WDR7: variants seen among roughly 807,000 people sequenced by gnomAD.
WDR7 encodes the protein WD repeat domain 7.
A neutral mutation model predicts 169.4 loss-of-function variants in WDR7; 46 were observed. The ratio of observed to expected loss-of-function variants is 0.27; its 90% CI spans 0.21 to 0.35. The LOEUF (loss-of-function observed/expected upper bound fraction) is 0.35. WDR7 is among the 10% of genes least tolerant of loss of function. The pLI, the probability that WDR7 is intolerant of heterozygous loss-of-function variation, is 1.00. For missense variants in WDR7, 1,534 were observed against 1,859.3 expected, an observed-to-expected ratio of 0.83 and a Z score of 3.22; for synonymous variants, 612 against 666.8, an observed-to-expected ratio of 0.92 and a Z score of 1.27.
chr18:56,989,046 A>G (rs965014849), intron 26 of WDR7, among the ~76,000 whole-genome samples: 2 of 151,776 alleles, frequency 1.3e-5, no homozygotes, highest in African/African-American at 2.4e-5. Flanking sequence ...CACCTTTTAG[A>G]TATAACTCTC....
intron 20 of WDR7, among the ~76,000 whole-genome samples, chr18:56,876,653 GA>G (rs1369244514): frequency 1.3e-5 from 2 of 151,822 alleles, no homozygotes; most frequent in African/African-American, 4.8e-5. Flanking sequence ...TTGCTACTCA[GA>G]AAAAAATTGA....
At chr18:56,861,560 T>C (rs2045804977) in intron 20 of WDR7, among the ~76,000 whole-genome samples, 1 of 152,234 alleles carries the variant, frequency 6.6e-6, no homozygotes, top group African/African-American at 2.4e-5. Context: ...CAGTCGAGTA[T>C]TGAGCTTCTA....
At chr18:56,667,777 T>C (rs2025054792) in intron 1 of WDR7, among the ~76,000 whole-genome samples, 1 of 152,190 alleles carries the variant, frequency 6.6e-6, no homozygotes, top group African/African-American at 2.4e-5. Flanking sequence ...TCAAGTCTTA[T>C]CTATTATATC....
intron 25 of WDR7, among the ~76,000 whole-genome samples, chr18:56,956,498 T>G (rs1392849720): frequency 6.6e-6 from 1 of 152,178 alleles, no homozygotes; most frequent in Non-Finnish European, 1.5e-5. Flanking sequence ...TCTTTTAGGC[T>G]GAGCTCCTCA....
At chr18:56,823,693 C>T (rs1423460936) in intron 20 of WDR7, among the ~76,000 whole-genome samples, 1 of 152,196 alleles carries the variant, frequency 6.6e-6, no homozygotes, top group Non-Finnish European at 1.5e-5. Context: ...CCGTTAATGA[C>T]CTGACATCTC....
At chr18:56,805,488 A>G (rs2145175887) in intron 19 of WDR7, among the ~76,000 whole-genome samples, 1 of 152,202 alleles carries the variant, frequency 6.6e-6, no homozygotes, top group East Asian at 1.9e-4. Flanking sequence ...ATCTTTCGAG[A>G]TTTCAACATT....
Position 56,731,615 on chromosome 18 carries a change from G to A in WDR7, c.1989+18G>A, listed in dbSNP as rs1269429429. 2 of 1,609,826 alleles carry A rather than the reference G, an allele frequency of 1.2e-6. No homozygotes were observed. Among genetic ancestry groups the A allele is most frequent in the African/African-American group, 1.3e-5 (1 of 74,836 alleles). ...CTGACAAGGTAAGTTTTATATGTGG[G>A]CCCATGAAGTGTGTAGACCCCATTT... On this transcript the variant is annotated intron_variant, in intron 14 of 27. Transcript: ENST00000254442.
intron 21 of WDR7, 126 bp downstream of exon 21, chr18:56,880,291 A>G (rs1026334144): frequency 2.2e-6 from 2 of 893,980 alleles, no homozygotes; most frequent in Non-Finnish European, 3.4e-6. Flanking sequence ...GAAGTTAGAA[A>G]GCAGTACAAT....
intron 20 of WDR7, among the ~76,000 whole-genome samples, chr18:56,842,793 AT>A (rs1163775557): frequency 1.3e-5 from 2 of 152,160 alleles, no homozygotes; most frequent in Non-Finnish European, 2.9e-5. Flanking sequence ...TTATTTGAAG[AT>A]TTTTGATAGC....
At chr18:56,755,027 A>C (rs774835078) in intron 14 of WDR7, among the ~76,000 whole-genome samples, 5 of 151,956 alleles carry the variant, frequency 3.3e-5, no homozygotes, top group Admixed American at 3.3e-4. Flanking sequence ...TTGACAACCA[A>C]TTTGAGCAGG....
chr18:56,910,442 G>A (rs1365731890), intron 21 of WDR7, among the ~76,000 whole-genome samples: 3 of 152,132 alleles, frequency 2.0e-5, no homozygotes, highest in African/African-American at 7.2e-5. Flanking sequence ...CTCTATTTCA[G>A]AAATGGCCCA....
chr18:56,982,856 G>A (rs925599194), intron 26 of WDR7, among the ~76,000 whole-genome samples: 1 of 152,206 alleles, frequency 6.6e-6, no homozygotes, highest in African/African-American at 2.4e-5. Context: ...CTCTAAACAT[G>A]TAGAAATGTT....
At position 56,962,658 on chromosome 18, in the gene WDR7, G is replaced by A. The variant is rs79968845; in HGVS notation, c.4164+129G>A. On this transcript the variant is annotated intron_variant, in intron 26 of 27. Transcript: ENST00000254442. ...ATGGATAATGCTAAAGGGATCAATAGTTTAATGAAGGACGCACAGAATATA... is the reference window on the plus strand; with the variant it reads ...ATGGATAATGCTAAAGGGATCAATAATTTAATGAAGGACGCACAGAATATA... 0.011 allele frequency: 8,420 copies of A among 794,570 alleles called. 466 individuals are homozygous for A. The African/African-American group carries it at 0.12, about 11-fold the overall frequency. 49.2% of individuals were successfully genotyped at this position (794,570 alleles called of 1,614,324 possible).
intron 13 of WDR7, among the ~76,000 whole-genome samples, chr18:56,731,037 A>C (rs145945261): frequency 8.0e-4 from 122 of 152,216 alleles, no homozygotes; most frequent in Non-Finnish European, 1.5e-3. Context: ...AGGAAGGTCA[A>C]ATCATAGATT....
intron 12 of WDR7, among the ~76,000 whole-genome samples, chr18:56,715,897 C>T (rs1307215717): frequency 1.3e-5 from 2 of 152,128 alleles, no homozygotes; most frequent in Non-Finnish European, 2.9e-5. Flanking sequence ...ATTAATGTAG[C>T]AACCAACCCT....
chr18:56,655,361 A>G (rs962334339), intron 1 of WDR7, among the ~76,000 whole-genome samples: 2 of 152,192 alleles, frequency 1.3e-5, no homozygotes, highest in Non-Finnish European at 2.9e-5. Context: ...GTGGTTGACC[A>G]TGCCCGTAGT....
At chr18:56,712,951 C>T (rs1030576160) in intron 12 of WDR7, among the ~76,000 whole-genome samples, 9 of 152,096 alleles carry the variant, frequency 5.9e-5, no homozygotes, top group Admixed American at 2.0e-4. Flanking sequence ...CAGAGGGACA[C>T]GCATCATCTC....
chr18:56,992,720 T>C (rs1469469544), intron 26 of WDR7, among the ~76,000 whole-genome samples: 1 of 152,216 alleles, frequency 6.6e-6, no homozygotes, highest in East Asian at 1.9e-4. Flanking sequence ...AGACATTTTC[T>C]GGCGCATTGT....
chr18:56,883,374 T>C (rs1357258563), intron 21 of WDR7, among the ~76,000 whole-genome samples: 1 of 152,176 alleles, frequency 6.6e-6, no homozygotes. Context: ...AGTTTATCTT[T>C]ACACAAAATT....
Sources: allele counts gnomAD v4.1 joint callset (sites outside exome capture counted in the v4.1 genomes callset), GRCh38; gene constraint gnomAD v4.1.1; transcripts MANE v1.5; gene names NCBI Gene and HGNC (gene_info 2026-07-23, HGNC 2026-07-21).